Variants in ASPH observed in about 807,000 individuals in gnomAD.
The protein encoded by ASPH is aspartyl/asparaginyl beta-hydroxylase.
A neutral mutation model predicts 118.4 loss-of-function variants in ASPH; 100 were observed. The ratio of observed to expected loss-of-function variants is 0.84; its 90% CI spans 0.72 to 1.00. The LOEUF is 1.00. Ranked by LOEUF, ASPH falls within the 50% of genes least tolerant of loss-of-function variation. ASPH has a pLI of 0.00. For missense variants in ASPH, 920 were observed against 919.5 expected (o/e 1.00, Z -0.01); for synonymous variants, 315 against 325.6 (o/e 0.97, Z 0.35).
intron 2 of ASPH, among the ~76,000 whole-genome samples, chr8:61,683,207 G>A (rs1828958007): frequency 1.3e-5 from 2 of 152,014 alleles, no homozygotes; most frequent in African/African-American, 2.4e-5. Flanking sequence ...GTATTTAGGG[G>A]AAGGGGGTAA....
chr8:61,648,008 T>C (rs763106805), intron 5 of ASPH, among the ~76,000 whole-genome samples: 2 of 152,160 alleles, frequency 1.3e-5, no homozygotes, highest in Non-Finnish European at 2.9e-5. Context: ...GGCTTTGCAG[T>C]GCAGCTCAGG....
rs545975447 is a variant in ASPH, at chr8:61,693,193, C to A, written c.104-9005G>T. ...CCAGCTAGACAGGTGCTTTTTGCTT[C>A]ATTTCTTCATCCCCAGAGACCTTGT... On this transcript the variant is annotated intron_variant, in intron 1 of 24. Coordinates refer to ENST00000379454, the MANE Select transcript of ASPH (RefSeq NM_004318.4). Among the ~76,000 whole-genome samples the A allele has an allele frequency of 4.4e-4, 67 of 152,234 alleles. 1 individual carries two copies. The Middle Eastern group carries it at 0.027, about 62-fold the overall frequency.
intron 14 of ASPH, among the ~76,000 whole-genome samples, chr8:61,585,245 G>A (rs1300033017): frequency 6.6e-6 from 1 of 152,150 alleles, no homozygotes; most frequent in Non-Finnish European, 1.5e-5. Flanking sequence ...AGTCCTGCTG[G>A]TGCACAACTG....
At chr8:61,557,569 C>T (rs1828335039) in intron 18 of ASPH, among the ~76,000 whole-genome samples, 1 of 152,206 alleles carries the variant, frequency 6.6e-6, no homozygotes, top group South Asian at 2.1e-4. Context: ...TTTACCTTGT[C>T]TCACTTTTCT....
intron 14 of ASPH, among the ~76,000 whole-genome samples, chr8:61,584,665 CTTCTTTTT>C (rs1838770623): frequency 1.4e-5 from 2 of 143,524 alleles, no homozygotes; most frequent in Admixed American, 1.4e-4. Context: ...TTCTTTCTTT[CTTCTTTTT>C]TTCTTTTTTT....
At chr8:61,562,130 C>T (rs1047292678) in intron 18 of ASPH, among the ~76,000 whole-genome samples, 1 of 152,166 alleles carries the variant, frequency 6.6e-6, no homozygotes, top group African/African-American at 2.4e-5. Context: ...CCTGTTCATT[C>T]TGTACCAAAT....
At chr8:61,579,152 C>G (rs1836490459) in intron 15 of ASPH, 2 of 1,612,006 alleles carry the variant, frequency 1.2e-6, no homozygotes, top group Non-Finnish European at 1.7e-6. Flanking sequence ...CTGAGATGAA[C>G]TGGAACATCA....
At chr8:61,678,259 G>A (rs1459639669) in intron 3 of ASPH, among the ~76,000 whole-genome samples, 3 of 152,058 alleles carry the variant, frequency 2.0e-5, no homozygotes, top group Non-Finnish European at 4.4e-5. Context: ...TTTAGTCCTC[G>A]CATCATTTAG....
chr8:61,631,134 AATC>A (rs1242190851), intron 13 of ASPH, among the ~76,000 whole-genome samples: 3 of 152,222 alleles, frequency 2.0e-5, no homozygotes, highest in African/African-American at 7.2e-5. Flanking sequence ...TTTATTACAA[AATC>A]ATCAAAAAGT....
At chr8:61,540,115 CTAA>C (rs1317041631) in intron 21 of ASPH, among the ~76,000 whole-genome samples, 18 of 152,080 alleles carry the variant, frequency 1.2e-4, no homozygotes, top group African/African-American at 4.1e-4. Context: ...ATATTTTTCA[CTAA>C]TGTTTTCCTT....
chr8:61,639,965 C>T (rs1048438875), intron 10 of ASPH, among the ~76,000 whole-genome samples: 1 of 152,154 alleles, frequency 6.6e-6, no homozygotes, highest in Non-Finnish European at 1.5e-5. Flanking sequence ...CCAATTTTAC[C>T]TTCTAAGCAT....
intron 15 of ASPH, among the ~76,000 whole-genome samples, chr8:61,580,601 G>A (rs2350584): frequency 0.86 from 130,505 of 152,240 alleles, 56,158 homozygotes; most frequent in African/African-American, 0.91. Context: ...AATCAAGATG[G>A]TGGCAGGGCT....
At chr8:61,676,045 T>C in intron 3 of ASPH, 2 of 1,597,218 alleles carry the variant, frequency 1.3e-6, no homozygotes, top group Non-Finnish European at 1.7e-6. Context: ...AGGTGTTCAT[T>C]AGCCAATGAC....
chr8:61,507,258 T>G (rs1425203667), intron 24 of ASPH, among the ~76,000 whole-genome samples: 1 of 152,166 alleles, frequency 6.6e-6, no homozygotes, highest in African/African-American at 2.4e-5. Context: ...ATACATTAAG[T>G]ACAATACAGA....
At chr8:61,699,264 T>C (rs1834679258) in intron 1 of ASPH, among the ~76,000 whole-genome samples, 2 of 152,242 alleles carry the variant, frequency 1.3e-5, no homozygotes, top group African/African-American at 4.8e-5. Flanking sequence ...AAGTCTGACT[T>C]TTCCTACATA....
At chr8:61,568,057 G>C (rs1053544018) in intron 16 of ASPH, among the ~76,000 whole-genome samples, 5 of 152,184 alleles carry the variant, frequency 3.3e-5, no homozygotes, top group Admixed American at 6.5e-5. Context: ...GGGGAGGAAA[G>C]GGAAGACCAA....
chr8:61,555,378 A>G (rs758717375), intron 19 of ASPH, among the ~76,000 whole-genome samples: 2 of 151,980 alleles, frequency 1.3e-5, no homozygotes, highest in Non-Finnish European at 2.9e-5. Context: ...GACTTCTCCA[A>G]CGTCTCCTGG....
chr8:61,622,401 A>G (rs1473151930), intron 13 of ASPH, among the ~76,000 whole-genome samples: 3 of 152,220 alleles, frequency 2.0e-5, no homozygotes. Context: ...CACTGCGCTA[A>G]TCTGCCAGCT....
chr8:61,667,247 G>GC (rs1820127883), intron 3 of ASPH, among the ~76,000 whole-genome samples: 1 of 152,102 alleles, frequency 6.6e-6, no homozygotes, highest in African/African-American at 2.4e-5. Context: ...CATCCCCCAT[G>GC]CCTCTACCCA....
Sources: gnomAD v4.1 joint callset for allele counts (sites outside exome capture counted in the v4.1 genomes callset) on GRCh38, gnomAD v4.1.1 for gene constraint, MANE v1.5 for transcripts, NCBI Gene and HGNC (gene_info 2026-07-23, HGNC 2026-07-21) for gene names.